SEM1: variants seen among roughly 807,000 people sequenced by gnomAD.
The protein encoded by SEM1 is SEM1 26S proteasome subunit, also known as 26S proteasome complex subunit SEM1.
Under a neutral mutation model 12.7 loss-of-function variants are expected in SEM1, and 3 were observed. The ratio of observed to expected loss-of-function variants is 0.24; its 90% CI spans 0.11 to 0.61. The LOEUF (loss-of-function observed/expected upper bound fraction) is 0.61. Ranked by LOEUF, SEM1 falls within the 20% of genes least tolerant of loss-of-function variation. The pLI is 0.88. For missense variants in SEM1, 59 were observed against 81.3 expected (o/e 0.73, Z 1.06); for synonymous variants, 30 against 27.8 (o/e 1.08, Z -0.25).
chr7:96,672,536 C>G (rs982613767), downstream of SEM1: 3 of 152,050 alleles, frequency 2.0e-5, no homozygotes, highest in Non-Finnish European at 4.4e-5. Context: ...ACCTTTTGTT[C>G]TCCAACTGCA....
At chr7:96,585,253 TG>T (rs1479010478) in intron 2 of SEM1, among the ~76,000 whole-genome samples, 1 of 152,170 alleles carries the variant, frequency 6.6e-6, no homozygotes, top group Non-Finnish European at 1.5e-5. Flanking sequence ...CTGCCCCTGC[TG>T]GGGGGTGCCT....
At chr7:96,655,044 G>A (rs1809132963) in intron 2 of SEM1, among the ~76,000 whole-genome samples, 1 of 152,284 alleles carries the variant, frequency 6.6e-6, no homozygotes, top group East Asian at 1.9e-4. Flanking sequence ...TTAGAGCCTA[G>A]TCTGTTTCCA....
chr7:96,487,992 A>T (rs1398651096), intron 1 of SEM1, among the ~76,000 whole-genome samples: 1 of 150,858 alleles, frequency 6.6e-6, no homozygotes, highest in African/African-American at 2.5e-5. Flanking sequence ...TGTTCTTATC[A>T]TTCACATTTC....
At chr7:96,510,904 T>C in intron 2 of SEM1, among the ~76,000 whole-genome samples, 1 of 152,096 alleles carries the variant, frequency 6.6e-6, no homozygotes, top group East Asian at 1.9e-4. Flanking sequence ...TTGGATGAAA[T>C]TATGTCCTGA....
rs367599073 is a variant in SEM1 at position 96,693,796 on chromosome 7, A to G, written c.170+1002T>C. On this transcript the variant is annotated intron_variant, in intron 2 of 2. Coordinates refer to ENST00000248566, the MANE Select transcript of SEM1 (RefSeq NM_006304.2). ...TGTGTGTGTGTGTGTGTGTGTATAT[A>G]TATATATATAAAATTTCTTTTCAAA... Among the ~76,000 whole-genome samples, 413 of 115,720 alleles carry G rather than the reference A, an allele frequency of 3.6e-3. 10 individuals are homozygous for G. The highest frequency in any genetic ancestry group is 0.026 in the Admixed American group (313 of 12,108). 75.9% of individuals were successfully genotyped at this position (115,720 alleles called of 152,430 possible). A position where few individuals can be genotyped will look rare whatever the true frequency, so the allele number is the denominator to read the frequency against.
upstream of SEM1, among the ~76,000 whole-genome samples, chr7:96,497,849 G>A (rs1803352856): frequency 6.6e-6 from 1 of 152,150 alleles, no homozygotes; most frequent in African/African-American, 2.4e-5. Flanking sequence ...ACTAACAGAT[G>A]ACGGAACTAA....
At chr7:96,699,442 A>G (rs567032496) in intron 1 of SEM1, among the ~76,000 whole-genome samples, 121 of 152,316 alleles carry the variant, frequency 7.9e-4, no homozygotes, top group African/African-American at 2.7e-3. Context: ...AGCAAAACAA[A>G]CAAAACATTT....
At chr7:96,692,656 G>A (rs998554041) in intron 2 of SEM1, among the ~76,000 whole-genome samples, 3 of 151,982 alleles carry the variant, frequency 2.0e-5, no homozygotes, top group Non-Finnish European at 2.9e-5. Flanking sequence ...GAACAGAAGG[G>A]GCTTCTAAGA....
intron 2 of SEM1, among the ~76,000 whole-genome samples, chr7:96,515,176 C>T (rs569681500): frequency 2.0e-5 from 3 of 152,126 alleles, no homozygotes; most frequent in South Asian, 2.1e-4. Context: ...CCAGAACAAC[C>T]GGATATCCAC....
At chr7:96,615,239 A>ATTTTTT (rs1421596853) in intron 2 of SEM1, among the ~76,000 whole-genome samples, 13,978 of 95,186 alleles carry the variant, frequency 0.15, 2,928 homozygotes, top group Non-Finnish European at 0.19. Context: ...TTTTTGAGTC[A>ATTTTTT]TCTTTTTTTT....
At chr7:96,484,568 T>C (rs568740217) in intron 3 of SEM1, among the ~76,000 whole-genome samples, 1 of 152,322 alleles carries the variant, frequency 6.6e-6, no homozygotes, top group South Asian at 2.1e-4. Flanking sequence ...TAAACCTTGT[T>C]GATTCAGACT....
chr7:96,531,861 A>G (rs2115722792), intron 2 of SEM1, among the ~76,000 whole-genome samples: 1 of 152,282 alleles, frequency 6.6e-6, no homozygotes, highest in South Asian at 2.1e-4. Flanking sequence ...CTCTGTAAGA[A>G]TCAAGGTACT....
At chr7:96,620,189 C>T (rs191764970), downstream of SEM1, among the ~76,000 whole-genome samples, 1 of 152,114 alleles carries the variant, frequency 6.6e-6, no homozygotes, top group East Asian at 2.0e-4. Flanking sequence ...CGTCCAGGGT[C>T]CAGGGAGGGT....
upstream of SEM1, among the ~76,000 whole-genome samples, chr7:96,497,657 TC>T (rs1458638916): frequency 1.3e-5 from 2 of 152,130 alleles, no homozygotes; most frequent in Admixed American, 1.3e-4. Context: ...GGATTTATCC[TC>T]CCACCCTGAG....
chr7:96,588,283 G>C (rs1806709091), intron 2 of SEM1, among the ~76,000 whole-genome samples: 1 of 151,318 alleles, frequency 6.6e-6, no homozygotes, highest in African/African-American at 2.4e-5. Flanking sequence ...GGAAGTGGAG[G>C]CTGCAATGAG....
intron 2 of SEM1, among the ~76,000 whole-genome samples, chr7:96,631,997 C>CAGAG (rs763951373): frequency 5.9e-5 from 9 of 152,124 alleles, no homozygotes; most frequent in Non-Finnish European, 1.0e-4. Flanking sequence ...ATCAAAACCA[C>CAGAG]AAGGAAATAC....
At chr7:96,488,200 G>A (rs1802850158) in intron 1 of SEM1, among the ~76,000 whole-genome samples, 1 of 152,008 alleles carries the variant, frequency 6.6e-6, no homozygotes, top group Admixed American at 6.6e-5. Flanking sequence ...AAAAATGAGG[G>A]ACCACTCCCA....
chr7:96,564,618 G>A (rs916677572), intron 2 of SEM1, among the ~76,000 whole-genome samples: 2 of 151,934 alleles, frequency 1.3e-5, no homozygotes, highest in African/African-American at 4.8e-5. Flanking sequence ...ATCATTAAGT[G>A]AGAATGGATC....
chr7:96,523,688 A>C (rs373225739), intron 2 of SEM1, among the ~76,000 whole-genome samples: 1 of 152,048 alleles, frequency 6.6e-6, no homozygotes, highest in African/African-American at 2.4e-5. Context: ...TCTTCTCCCT[A>C]TCTTTTCTAC....
Sources: gnomAD v4.1 joint callset for allele counts (sites outside exome capture counted in the v4.1 genomes callset) on GRCh38, gnomAD v4.1.1 for gene constraint, MANE v1.5 for transcripts, NCBI Gene and HGNC (gene_info 2026-07-23, HGNC 2026-07-21) for gene names.